DDX27: variants seen among roughly 807,000 people sequenced by gnomAD.
The protein encoded by DDX27 is probable ATP-dependent RNA helicase DDX27.
Under a neutral mutation model 99.3 loss-of-function variants are expected in DDX27, and 42 were observed. The observed-to-expected ratio is 0.42, with a 90% confidence interval of 0.33 to 0.55. The LOEUF is 0.55. Ranked by LOEUF, DDX27 falls within the 20% of genes least tolerant of loss-of-function variation. The pLI is 0.07. For synonymous variants in DDX27, 329 were observed against 353.8 expected, an observed-to-expected ratio of 0.93 and a Z score of 0.79; for missense variants, 798 against 976.8, an observed-to-expected ratio of 0.82 and a Z score of 2.44.
chr20:49,225,237 A>G (rs1979840616), intron 6 of DDX27, 38 bp downstream of exon 6: 1 of 1,513,682 alleles, frequency 6.6e-7, no homozygotes, highest in Non-Finnish European at 9.2e-7. Flanking sequence ...TTGTAGAAGC[A>G]TGGTCTTGCT....
Position 49,241,967 on chromosome 20 carries a change from A to C in DDX27, c.1972A>C (p.Lys658Gln). 1 of 1,606,664 alleles carries C rather than the reference A, an allele frequency of 6.2e-7. No individual in the cohort carries two copies. The highest frequency in any genetic ancestry group is 8.5e-7 in the Non-Finnish European group (1 of 1,176,410). ...KKRKKFMKDA[K>Q]KKGEMTAEER... Reference sequence around the variant, plus strand: ...AAGGAAGAAGTTTATGAAGGATGCCAAAAAAAAGGGGGAGATGACAGTGAG... The same window carrying C: ...AAGGAAGAAGTTTATGAAGGATGCCCAAAAAAAGGGGGAGATGACAGTGAG... The change falls in exon 17 of 21, where the codon AAA (lysine) becomes CAA (glutamine). Residue 658 changes from lysine to glutamine, a missense_variant. Lys to Gln is a moderately conservative substitution (Grantham distance 53). Transcript: ENST00000618172.
intron 9 of DDX27, 63 bp from the exon 10 acceptor site, chr20:49,233,243 G>A (rs902678944): frequency 2.0e-5 from 25 of 1,219,716 alleles, no homozygotes; most frequent in Middle Eastern, 3.7e-4. Flanking sequence ...ATGCAATCCC[G>A]TGTCCCTCAC....
At chr20:49,221,346 C>T in intron 1 of DDX27, 106 bp from the exon 2 acceptor site, 1 of 1,389,272 alleles carries the variant, frequency 7.2e-7, no homozygotes, top group Non-Finnish European at 1.0e-6. Flanking sequence ...CCTTCGCCTC[C>T]TAAAGTGCTG....
chr20:49,224,894 A>G (rs752572901), intron 4 of DDX27, 51 bp from the exon 5 acceptor site: 2 of 1,604,600 alleles, frequency 1.2e-6, no homozygotes, highest in African/African-American at 1.3e-5. Flanking sequence ...AGCAGGATGC[A>G]AGTGCTTTGT....
intron 6 of DDX27, among the ~76,000 whole-genome samples, chr20:49,226,125 G>A (rs1051116470): frequency 2.0e-5 from 3 of 152,150 alleles, no homozygotes; most frequent in African/African-American, 7.2e-5. Context: ...CACTCCCCCT[G>A]CTGCCCGTCT....
chr20:49,236,951 A>G lies in DDX27; in HGVS notation c.1687+441A>G, dbSNP rs1288795441. The stretch of plus-strand genomic sequence containing the variant: ...GTTCTTGAATTCCTAGGCTCAAGCA[A>G]TCCACCCACCTTCTGCCTCCCAAAG... On this transcript the variant is annotated intron_variant, in intron 14 of 20. Transcript: ENST00000618172. The surrounding 1 kb of genome is among the most constrained non-coding windows in gnomAD (Gnocchi z 4.1). Among the ~76,000 whole-genome samples the G allele has an allele frequency of 6.6e-6, 1 of 152,098 alleles. No individual in the cohort carries two copies. Among genetic ancestry groups the G allele is most frequent in the Admixed American group, 6.6e-5 (1 of 15,262 alleles).
rs753745691 is a variant in DDX27, at chr20:49,239,138, A to G, written c.1794+83A>G. On this transcript the variant is annotated intron_variant, in intron 15 of 20. Coordinates refer to ENST00000618172, the MANE Select transcript of DDX27 (RefSeq NM_017895.8). The stretch of plus-strand genomic sequence containing the variant: ...TCCCTGCTGGTGCTGCCCTTCTGAA[A>G]TGTTTCTCCCATCAGAGCCCCAGGC... The G allele has an allele frequency of 3.3e-6, 5 of 1,526,810 alleles. No homozygotes were observed. In the Admixed American group the frequency reaches 5.1e-5, roughly 16 times the overall value. The allele number at this position is 1,526,810 out of a possible 1,614,324, so 94.6% of individuals were successfully genotyped here. A position where few individuals can be genotyped will look rare whatever the true frequency, so the allele number is the denominator to read the frequency against.
rs572856147 is a variant in DDX27 at position 49,223,118 on chromosome 20, G to T, written c.300+102G>T. 105 of 1,362,446 alleles carry T rather than the reference G, an allele frequency of 7.7e-5. No homozygotes were observed. The African/African-American group carries it at 1.0e-3, about 13-fold the overall frequency. The allele number at this position is 1,362,446 out of a possible 1,614,324, so 84.4% of individuals were successfully genotyped here. On this transcript the variant is annotated intron_variant, in intron 3 of 20. Coordinates refer to ENST00000618172, the MANE Select transcript of DDX27 (RefSeq NM_017895.8). ...AGCCCTTATAGAGCGGGGCATGGCT[G>T]GGGCAGGCGCACTCTTCTGTGTGTT...
At position 49,219,419 on chromosome 20, in the gene DDX27, C is replaced by T; in HGVS notation, c.-30C>T. 1 of 1,613,890 alleles carries T rather than the reference C, an allele frequency of 6.2e-7. No homozygotes were observed. Among genetic ancestry groups the T allele is most frequent in the Non-Finnish European group, 8.5e-7 (1 of 1,179,788 alleles). On this transcript the variant is annotated 5_prime_UTR_variant, in exon 1 of 21. Coordinates refer to ENST00000618172, the MANE Select transcript of DDX27 (RefSeq NM_017895.8). ...GTTAAGGGCCGGACCGCAGGCTGTG[C>T]TCGCTTCCGGAAGTGGCTTCTGCGA...
Position 49,234,934 on chromosome 20 carries a change from G to A in DDX27, c.1274-1G>A. 1 of 1,590,884 alleles carries A rather than the reference G, an allele frequency of 6.3e-7. No individual in the cohort carries two copies. The highest frequency in any genetic ancestry group is 8.6e-7 in the Non-Finnish European group (1 of 1,166,854). On this transcript the variant is annotated splice_acceptor_variant, in intron 11 of 20. Transcript: ENST00000618172. LOFTEE classifies it high-confidence loss of function. ...CCAGCTCAGTCCTCTCTTCCTGCCAGCTTTGTTGACGAGGACCTTCACTGA... is the reference window on the plus strand; with the variant it reads ...CCAGCTCAGTCCTCTCTTCCTGCCAACTTTGTTGACGAGGACCTTCACTGA...
rs1980554519 is a variant in DDX27 at position 49,243,671 on chromosome 20, G to C, written c.2247G>C (p.Gln749His). 1 of 1,614,090 alleles carries C rather than the reference G, an allele frequency of 6.2e-7. No individual in the cohort carries two copies. The highest frequency in any genetic ancestry group is 1.1e-5 in the South Asian group (1 of 91,094). Reference sequence around the variant, plus strand: ...GGAAACAGTTGGGCTTGCCCCACCAGAGACGAGGAGGAAACTTTAAATCTA... The same window carrying C: ...GGAAACAGTTGGGCTTGCCCCACCACAGACGAGGAGGAAACTTTAAATCTA... ...EERKQLGLPHQRRGGNFKSKS... is the reference protein window; with the variant it reads ...EERKQLGLPHHRRGGNFKSKS... The change falls in exon 20 of 21, where the codon CAG becomes CAC. Residue 749 changes from glutamine to histidine, a missense_variant. Around this residue, in one of 2 missense-constraint regions of DDX27, gnomAD observed 553 missense variants for 727.9 expected, o/e 0.76. Coordinates refer to ENST00000618172, the MANE Select transcript of DDX27 (RefSeq NM_017895.8).
chr20:49,243,710 C>T lies in DDX27; in HGVS notation c.2279+7C>T. The T allele has an allele frequency of 6.2e-7, 1 of 1,614,112 alleles. No homozygotes were observed. Among genetic ancestry groups the T allele is most frequent in the South Asian group, 1.1e-5 (1 of 91,074 alleles). On this transcript the variant is annotated splice_region_variant and intron_variant, in intron 20 of 20. Coordinates refer to ENST00000618172, the MANE Select transcript of DDX27 (RefSeq NM_017895.8). Reference sequence around the variant, plus strand: ...ACTTTAAATCTAAATCCAGGTGATACTGGCTGTTTTGGAGGGGCATAGGTT... The same window carrying T: ...ACTTTAAATCTAAATCCAGGTGATATTGGCTGTTTTGGAGGGGCATAGGTT...
Position 49,236,519 on chromosome 20 carries a change from G to C in DDX27, c.1687+9G>C, listed in dbSNP as rs185828581. On this transcript the variant is annotated intron_variant, in intron 14 of 20. Coordinates refer to ENST00000618172, the MANE Select transcript of DDX27 (RefSeq NM_017895.8). This position sits in a 1 kb window ranked among gnomAD's most constrained non-coding sequence, Gnocchi z 4.1. ...CAGGATACTTCCCCAAGGTGAGCAG[G>C]CACCCCTGTGGCAGTGCAGAATGGC... 6.4e-7 allele frequency: 1 copy of C among 1,566,868 alleles called. No homozygotes were observed.
At chr20:49,229,968 G>A (rs1980042680) in intron 8 of DDX27, among the ~76,000 whole-genome samples, 2 of 152,158 alleles carry the variant, frequency 1.3e-5, no homozygotes, top group African/African-American at 4.8e-5. Context: ...CTCTTCTGAA[G>A]TGCTTTTGTG....
chr20:49,237,330 A>G (rs1181334102), intron 14 of DDX27, among the ~76,000 whole-genome samples: 1 of 151,616 alleles, frequency 6.6e-6, no homozygotes, highest in Non-Finnish European at 1.5e-5. Context: ...CCCTGTCTCT[A>G]AAAAATGAAA....
At chr20:49,225,284 G>A in intron 6 of DDX27, 85 bp downstream of exon 6, 2 of 1,157,078 alleles carry the variant, frequency 1.7e-6, no homozygotes, top group African/African-American at 1.5e-5. Context: ...CTGGCATCAA[G>A]CAATCCTCTT....
chr20:49,225,540 C>T (rs1979854553), intron 6 of DDX27, among the ~76,000 whole-genome samples: 2 of 149,496 alleles, frequency 1.3e-5, no homozygotes, highest in South Asian at 2.1e-4. Flanking sequence ...ACTGCAACCT[C>T]CACCTCCCGG....
rs902488828 is a variant in DDX27 at position 49,239,483 on chromosome 20, C to A, written c.1897+145C>A. 5 of 650,644 alleles carry A rather than the reference C, an allele frequency of 7.7e-6. No homozygotes were observed. The Admixed American group carries it at 1.2e-4, about 15-fold the overall frequency. The allele number at this position is 650,644 out of a possible 1,614,324, so 40.3% of individuals were successfully genotyped here. On this transcript the variant is annotated intron_variant, in intron 16 of 20. Transcript: ENST00000618172. ...AGTATCGTGGAAGACAATGTTTCCA[C>A]ATTTGGGGTGTGGGGGTTGCATTAG...
At chr20:49,239,088 G>A (rs780462192) in intron 15 of DDX27, 33 bp downstream of exon 15, 4 of 1,583,310 alleles carry the variant, frequency 2.5e-6, no homozygotes, top group Non-Finnish European at 3.5e-6. Context: ...TGTTCACAAG[G>A]CTGCTCAGTA....
Sources: allele counts gnomAD v4.1 joint callset (sites outside exome capture counted in the v4.1 genomes callset), GRCh38; gene constraint gnomAD v4.1.1; regional missense constraint gnomAD v4.1.1; non-coding constraint Gnocchi (gnomAD v3.1); transcripts MANE v1.5; gene names NCBI Gene and HGNC (gene_info 2026-07-23, HGNC 2026-07-21).